The following TBC1D5 variants were observed in gnomAD, a reference collection of about 807,000 sequenced individuals.
The protein encoded by TBC1D5 is TBC1 domain family member 5.
TBC1D5 carries 75 observed loss-of-function variants against 100.3 expected under a neutral mutation model. The observed-to-expected ratio is 0.75, with a 90% CI of 0.62 to 0.91. TBC1D5 has a LOEUF of 0.91. Ranked by LOEUF, TBC1D5 falls within the 40% of genes least tolerant of loss-of-function variation. The probability of loss-of-function intolerance (pLI) is 0.00; values close to 1 mark genes in which losing one functional copy is unlikely to be tolerated. For missense variants in TBC1D5, 910 were observed against 942.4 expected, an observed-to-expected ratio of 0.97 and a Z score of 0.45; for synonymous variants, 323 against 325.6, an observed-to-expected ratio of 0.99 and a Z score of 0.09.
chr3:17,182,194 C>G (rs1426950690), intron 19 of TBC1D5, among the ~76,000 whole-genome samples: 1 of 152,144 alleles, frequency 6.6e-6, no homozygotes, highest in Non-Finnish European at 1.5e-5. Flanking sequence ...TGAAATGCAT[C>G]TGTGGGCCGT....
chr3:17,386,300 C>A (rs2093151534), intron 8 of TBC1D5, among the ~76,000 whole-genome samples: 2 of 152,048 alleles, frequency 1.3e-5, no homozygotes, highest in Non-Finnish European at 2.9e-5. Flanking sequence ...TTGGCACAAC[C>A]AAATTCTGTG....
chr3:17,714,445 C>T (rs1030153637), intron 1 of TBC1D5, among the ~76,000 whole-genome samples: 1 of 152,152 alleles, frequency 6.6e-6, no homozygotes, highest in Non-Finnish European at 1.5e-5. Context: ...GGACTGCTTC[C>T]TAGGCTCAGT....
exon 22 of TBC1D5, chr3:17,159,367 T>C (rs2065847964): frequency 6.6e-6 from 1 of 152,232 alleles, no homozygotes; most frequent in Admixed American, 6.5e-5. Flanking sequence ...TATATAAGGT[T>C]AGCAGTGGGA....
At chr3:17,597,455 A>C (rs2060643188) in intron 2 of TBC1D5, among the ~76,000 whole-genome samples, 1 of 152,188 alleles carries the variant, frequency 6.6e-6, no homozygotes, top group Non-Finnish European at 1.5e-5. Context: ...AAGCAATCTG[A>C]CCCCAGTATC....
At chr3:17,213,184 A>G (rs1476683236) in intron 18 of TBC1D5, among the ~76,000 whole-genome samples, 3 of 152,256 alleles carry the variant, frequency 2.0e-5, no homozygotes, top group Non-Finnish European at 4.4e-5. Context: ...TATTCAGTAC[A>G]GCACCATGCT....
At chr3:17,616,517 G>A (rs1207570616) in intron 2 of TBC1D5, among the ~76,000 whole-genome samples, 1 of 152,084 alleles carries the variant, frequency 6.6e-6, no homozygotes, top group Non-Finnish European at 1.5e-5. Flanking sequence ...TATTGTGTGG[G>A]AGTCTAAGTC....
intron 3 of TBC1D5, among the ~76,000 whole-genome samples, chr3:17,477,837 C>CT (rs1559974926): frequency 1.3e-5 from 2 of 152,084 alleles, no homozygotes; most frequent in Non-Finnish European, 2.9e-5. Context: ...GAACTGAACT[C>CT]TATTTCAATA....
At chr3:17,411,974 T>G (rs1304949774) in intron 4 of TBC1D5, among the ~76,000 whole-genome samples, 2 of 152,202 alleles carry the variant, frequency 1.3e-5, no homozygotes, top group Non-Finnish European at 2.9e-5. Context: ...GTCTTTCATT[T>G]CTATTGAATA....
At chr3:17,497,065 CTCTT>C (rs1216344786) in intron 3 of TBC1D5, among the ~76,000 whole-genome samples, 47 of 143,246 alleles carry the variant, frequency 3.3e-4, no homozygotes, top group Middle Eastern at 7.1e-3. Flanking sequence ...GCCTCTCTCT[CTCTT>C]TCTTTCTCTC....
At chr3:17,167,409 A>G (rs1056055745) in intron 20 of TBC1D5, among the ~76,000 whole-genome samples, 29 of 152,234 alleles carry the variant, frequency 1.9e-4, no homozygotes, top group Non-Finnish European at 5.9e-5. Context: ...GGTACTAATT[A>G]TGACTTGTGC....
rs545451577 is a variant in TBC1D5 at position 17,446,182 on chromosome 3, T to C, written c.98-17663A>G. 3.5e-3 allele frequency among the ~76,000 whole-genome samples: 526 copies of C among 152,262 alleles called. 2 individuals are homozygous for C. Among genetic ancestry groups the C allele is most frequent in the African/African-American group, 0.012 (511 of 41,526 alleles). On this transcript the variant is annotated intron_variant, in intron 3 of 21. Transcript: ENST00000253692. ...TTATTTCTCCCAACCCCATTCCTCCTGAAGAGACATACTTTTTATTTTAAG... is the reference window on the plus strand; with the variant it reads ...TTATTTCTCCCAACCCCATTCCTCCCGAAGAGACATACTTTTTATTTTAAG...
At chr3:17,646,293 A>G (rs374040052) in intron 1 of TBC1D5, among the ~76,000 whole-genome samples, 2 of 152,078 alleles carry the variant, frequency 1.3e-5, no homozygotes, top group African/African-American at 4.8e-5. Context: ...TTTAGCCTAC[A>G]CTTTGATTTC....
intron 15 of TBC1D5, among the ~76,000 whole-genome samples, chr3:17,287,087 T>C (rs1380947487): frequency 6.6e-6 from 1 of 152,220 alleles, no homozygotes; most frequent in African/African-American, 2.4e-5. Flanking sequence ...TAAGTTCAAG[T>C]TGTATAATTA....
At position 17,425,440 on chromosome 3, in the gene TBC1D5, A is replaced by T. The variant is rs563152348; in HGVS notation, c.167+3010T>A. 2.9e-3 allele frequency among the ~76,000 whole-genome samples: 444 copies of T among 152,316 alleles called. 5 individuals carry two copies. Among genetic ancestry groups the T allele is most frequent in the Non-Finnish European group, 2.8e-3 (189 of 68,028 alleles). On this transcript the variant is annotated intron_variant, in intron 4 of 21. Transcript: ENST00000253692. ...CCAGGAGTTTGAGACCATCCCGGGC[A>T]ACATGGTGAAACCCCATCTCTACAA...
chr3:17,598,415 T>C (rs964392397), intron 2 of TBC1D5, among the ~76,000 whole-genome samples: 75 of 152,376 alleles, frequency 4.9e-4, no homozygotes, highest in African/African-American at 1.7e-3. Context: ...CTTTAAGCAC[T>C]GTTCATAACT....
In TBC1D5 at chr3:17,584,948, G is replaced by C. The variant is rs141617880; in HGVS notation, c.-36+38901C>G. Among the ~76,000 whole-genome samples the C allele has an allele frequency of 4.2e-3, 633 of 152,198 alleles. 4 individuals carry two copies. Among genetic ancestry groups the C allele is most frequent in the African/African-American group, 0.015 (608 of 41,546 alleles). On this transcript the variant is annotated intron_variant, in intron 2 of 21. Coordinates refer to ENST00000253692, the Ensembl canonical transcript of TBC1D5. Reference sequence around the variant, plus strand: ...TGGGATTACAGGCGTGAGCCACTGTGCCCAGCCAACATTTATTTTTTCGAC... The same window carrying C: ...TGGGATTACAGGCGTGAGCCACTGTCCCCAGCCAACATTTATTTTTTCGAC...
Position 17,541,290 on chromosome 3 carries a change from C to T in TBC1D5, c.-35-32685G>A, listed in dbSNP as rs112762763. ...TACTGACATCATAACAATAGTAAGT[C>T]TTCTAATCCATGAACATGCAATGTG... On this transcript the variant is annotated intron_variant, in intron 2 of 21. Transcript: ENST00000253692. 4.5e-3 allele frequency among the ~76,000 whole-genome samples: 682 copies of T among 151,276 alleles called. 4 individuals carry two copies. Among genetic ancestry groups the T allele is most frequent in the Admixed American group, 0.02 (302 of 15,226 alleles).
intron 3 of TBC1D5, among the ~76,000 whole-genome samples, chr3:17,503,315 G>A (rs1343522697): frequency 6.7e-6 from 1 of 149,382 alleles, no homozygotes; most frequent in African/African-American, 2.5e-5. Context: ...CACCTTCCTT[G>A]ATCCACCATT....
intron 4 of TBC1D5, among the ~76,000 whole-genome samples, chr3:17,418,402 G>A (rs1297401678): frequency 6.6e-6 from 1 of 152,082 alleles, no homozygotes; most frequent in African/African-American, 2.4e-5. Context: ...GAGGTCAGGA[G>A]TTCAAGACCA....
Sources: gnomAD v4.1 joint callset for allele counts (sites outside exome capture counted in the v4.1 genomes callset) on GRCh38, gnomAD v4.1.1 for gene constraint, MANE v1.5 for transcripts, NCBI Gene and HGNC (gene_info 2026-07-23, HGNC 2026-07-21) for gene names.